Variants in PALS2 observed in about 807,000 individuals in gnomAD.
PALS2 encodes protein PALS2.
Under a neutral mutation model 61.6 loss-of-function variants are expected in PALS2, and 27 were observed. The ratio of observed to expected loss-of-function variants is 0.44; its 90% CI spans 0.32 to 0.60. The LOEUF (loss-of-function observed/expected upper bound fraction) is 0.60. Among genes scored for constraint, PALS2 ranks in the 20% least tolerant of loss-of-function variants. PALS2 has a pLI of 0.05. For missense variants in PALS2, 554 were observed against 639.4 expected, an observed-to-expected ratio of 0.87 and a Z score of 1.44; for synonymous variants, 236 against 218.6, an observed-to-expected ratio of 1.08 and a Z score of -0.70.
chr7:24,679,772 G>T (rs907873227), intron 10 of PALS2, among the ~76,000 whole-genome samples: 6 of 151,884 alleles, frequency 4.0e-5, no homozygotes, highest in African/African-American at 1.5e-4. Flanking sequence ...TTCCCACTCC[G>T]CTACACTCAG....
At chr7:24,638,027 T>G (rs923430272) in intron 2 of PALS2, among the ~76,000 whole-genome samples, 3 of 152,288 alleles carry the variant, frequency 2.0e-5, no homozygotes, top group South Asian at 2.1e-4. Flanking sequence ...TGGTTATTTT[T>G]TGTGTGTGTT....
In PALS2 at chr7:24,618,514, A is replaced by G. The variant is rs1219733303; in HGVS notation, c.-2-5152A>G. ...GCTTGGCTCACAAGGGAGTAAGTGC[A>G]GATCTTGTGCTCCCAGTCTGGGGGA... is the stretch of plus-strand genomic sequence containing the variant. On this transcript the variant is annotated intron_variant, in intron 1 of 11. Coordinates refer to ENST00000222644, the MANE Select transcript of PALS2 (RefSeq NM_001303037.2). This position sits in a 1 kb window ranked among gnomAD's most constrained non-coding sequence, Gnocchi z 5.1. Among the ~76,000 whole-genome samples the G allele has an allele frequency of 6.6e-6, 1 of 152,232 alleles. No individual in the cohort carries two copies. The highest frequency in any genetic ancestry group is 1.5e-5 in the Non-Finnish European group (1 of 68,028).
chr7:24,617,340 C>T (rs746670773), intron 1 of PALS2, among the ~76,000 whole-genome samples: 8 of 152,018 alleles, frequency 5.3e-5, no homozygotes, highest in Non-Finnish European at 1.0e-4. Context: ...TGTTTCCTTA[C>T]GATTATTATT....
chr7:24,685,111 C>T (rs1464640461), intron 11 of PALS2, among the ~76,000 whole-genome samples: 4 of 152,092 alleles, frequency 2.6e-5, no homozygotes, highest in African/African-American at 7.2e-5. Context: ...CTCTCTTCCT[C>T]GTGCTCCCAC....
At chr7:24,604,488 T>C (rs1783827819) in intron 1 of PALS2, among the ~76,000 whole-genome samples, 1 of 152,132 alleles carries the variant, frequency 6.6e-6, no homozygotes, top group Admixed American at 6.5e-5. Flanking sequence ...CTTGGAGACA[T>C]GTGGGACAAT....
At chr7:24,657,610 A>G (rs1249965380) in intron 5 of PALS2, among the ~76,000 whole-genome samples, 1 of 152,188 alleles carries the variant, frequency 6.6e-6, no homozygotes, top group African/African-American at 2.4e-5. Flanking sequence ...GTGCTTCATC[A>G]GAATTGGGAT....
At chr7:24,614,722 T>C (rs937219126) in intron 1 of PALS2, among the ~76,000 whole-genome samples, 2 of 151,972 alleles carry the variant, frequency 1.3e-5, no homozygotes, top group Non-Finnish European at 2.9e-5. Flanking sequence ...AACTGCACCA[T>C]AGGCCAAATA....
At position 24,624,605 on chromosome 7, in the gene PALS2, CTT is replaced by C. The variant is rs368160704; in HGVS notation, c.117+839_117+840del. The stretch of plus-strand genomic sequence containing the variant: ...GAGTGAATTAATGATGCAGATTCTT[CTT>C]TTTTTTTTTTTTTTTTTGAGAGGAA... On this transcript the variant is annotated intron_variant, in intron 2 of 11. Coordinates refer to ENST00000222644, the MANE Select transcript of PALS2 (RefSeq NM_001303037.2). 6.5e-4 allele frequency among the ~76,000 whole-genome samples: 56 copies of C among 86,402 alleles called. 1 individual carries two copies. The highest frequency in any genetic ancestry group is 2.6e-3 in the African/African-American group (40 of 15,464). 56.7% of individuals were successfully genotyped at this position (86,402 alleles called of 152,430 possible). A position where few individuals can be genotyped will look rare whatever the true frequency, so the allele number is the denominator to read the frequency against.
intron 5 of PALS2, among the ~76,000 whole-genome samples, chr7:24,658,790 C>T (rs951771360): frequency 4.0e-5 from 6 of 151,898 alleles, no homozygotes; most frequent in Non-Finnish European, 7.4e-5. Context: ...CTCTTGATCT[C>T]GTGATCCATC....
intron 2 of PALS2, among the ~76,000 whole-genome samples, chr7:24,625,649 T>C (rs1784708927): frequency 6.6e-6 from 1 of 152,240 alleles, no homozygotes; most frequent in African/African-American, 2.4e-5. Context: ...AAAAATTTAC[T>C]GATTTTATGC....
At chr7:24,681,071 A>C (rs1467190925) in intron 11 of PALS2, among the ~76,000 whole-genome samples, 1 of 152,212 alleles carries the variant, frequency 6.6e-6, no homozygotes, top group Non-Finnish European at 1.5e-5. Context: ...GACCAATATT[A>C]AAATATGCGT....
chr7:24,683,250 AT>A (rs2128035004), intron 11 of PALS2, among the ~76,000 whole-genome samples: 1 of 152,314 alleles, frequency 6.6e-6, no homozygotes, highest in Admixed American at 6.5e-5. Context: ...CAAGTAGTTG[AT>A]TATTCTGAGG....
At chr7:24,635,571 C>T (rs1583914667) in intron 2 of PALS2, among the ~76,000 whole-genome samples, 1 of 152,104 alleles carries the variant, frequency 6.6e-6, no homozygotes, top group Admixed American at 6.5e-5. Context: ...CTATAACCTC[C>T]AGTACAAATG....
chr7:24,672,756 T>C (rs1377527822), intron 9 of PALS2, among the ~76,000 whole-genome samples: 1 of 152,222 alleles, frequency 6.6e-6, no homozygotes, highest in African/African-American at 2.4e-5. Flanking sequence ...GCTTTGTCTT[T>C]TAGCCTTATT....
At chr7:24,631,583 A>G (rs945848326) in intron 2 of PALS2, among the ~76,000 whole-genome samples, 1 of 152,202 alleles carries the variant, frequency 6.6e-6, no homozygotes, top group Non-Finnish European at 1.5e-5. Flanking sequence ...TCCAATTTTG[A>G]AAGTTTTGCT....
chr7:24,678,981 A>G (rs1787772147), intron 9 of PALS2, 150 bp from the exon 10 acceptor site: 1 of 644,110 alleles, frequency 1.6e-6, no homozygotes, highest in Admixed American at 2.9e-5. Context: ...ATAAAACTTT[A>G]TTTACAAAAA....
rs562183768 is a variant in PALS2, at chr7:24,633,475, C to A, written c.118-8241C>A. 4.4e-4 allele frequency among the ~76,000 whole-genome samples: 48 copies of A among 109,192 alleles called. No homozygotes were observed. In the East Asian group the frequency reaches 8.5e-3, roughly 19 times the overall value. The allele number at this position is 109,192 out of a possible 152,430, so 71.6% of individuals were successfully genotyped here. A position where few individuals can be genotyped will look rare whatever the true frequency, so the allele number is the denominator to read the frequency against. On this transcript the variant is annotated intron_variant, in intron 2 of 11. Transcript: ENST00000222644. ...TCTGCAGGTAAGGTTGCCCCCCCCC[C>A]ACCCCGATGTTTCAGTATTTTGTTT...
At chr7:24,683,489 C>CA (rs1415951209) in intron 11 of PALS2, among the ~76,000 whole-genome samples, 1 of 150,462 alleles carries the variant, frequency 6.6e-6, no homozygotes, top group Non-Finnish European at 1.5e-5. Context: ...CATCATTGAC[C>CA]AATAGGAGCT....
At chr7:24,642,894 A>AG (rs1204586002) in intron 3 of PALS2, among the ~76,000 whole-genome samples, 2 of 152,112 alleles carry the variant, frequency 1.3e-5, no homozygotes, top group African/African-American at 2.4e-5. Flanking sequence ...TTAGGTGTGG[A>AG]GGGGGAGATG....
Sources: allele counts gnomAD v4.1 joint callset (sites outside exome capture counted in the v4.1 genomes callset), GRCh38; gene constraint gnomAD v4.1.1; non-coding constraint Gnocchi (gnomAD v3.1); transcripts MANE v1.5; gene names NCBI Gene and HGNC (gene_info 2026-07-23, HGNC 2026-07-21).